The following EDN1 variants were observed in gnomAD, a reference collection of about 807,000 sequenced individuals.
The protein encoded by EDN1 is endothelin 1.
In EDN1, 11 loss-of-function variants were observed where a neutral mutation model predicts 21.7. The observed-to-expected ratio is 0.51, with a 90% CI of 0.32 to 0.84. The LOEUF (loss-of-function observed/expected upper bound fraction) is 0.84, where lower values mean the gene tolerates loss of function less well. Among genes scored for constraint, EDN1 ranks in the 40% least tolerant of loss-of-function variants. The pLI, the probability that EDN1 is intolerant of heterozygous loss-of-function variation, is 0.03. For synonymous variants in EDN1, 85 were observed against 90.6 expected (o/e 0.94, Z 0.35); for missense variants, 244 against 262.3 (o/e 0.93, Z 0.48).
the EDN1 span, among the ~76,000 whole-genome samples, chr6:12,231,247 C>T: frequency 6.6e-6 from 1 of 152,198 alleles, no homozygotes. Flanking sequence ...GGAAGGGCTC[C>T]TGGGAGCCAC....
At chr6:12,274,554 T>C in the EDN1 span, among the ~76,000 whole-genome samples, 1 of 152,270 alleles carries the variant, frequency 6.6e-6, no homozygotes, top group Non-Finnish European at 1.5e-5. Flanking sequence ...GAATAGGGAC[T>C]GTATTGTTTA....
chr6:12,247,881 C>T, the EDN1 span, among the ~76,000 whole-genome samples: 1 of 152,050 alleles, frequency 6.6e-6, no homozygotes, highest in Non-Finnish European at 1.5e-5. Context: ...TAGACTGAGA[C>T]AGATCCCCCT....
At chr6:12,245,699 C>G in the EDN1 span, among the ~76,000 whole-genome samples, 1 of 152,210 alleles carries the variant, frequency 6.6e-6, no homozygotes, top group Non-Finnish European at 1.5e-5. Context: ...AGAACAAATG[C>G]ATTTTTCCTT....
Position 12,290,460 on chromosome 6 carries a change from C to T in EDN1, c.-170C>T. ...CGCCTGCAGACGCTCCGCTCGCTGC[C>T]TTCTCTCCTGGCAGGCGCTGCCTTT... On this transcript the variant is annotated 5_prime_UTR_variant, in exon 1 of 5. Transcript: ENST00000379375. 3.1e-6 allele frequency: 2 copies of T among 643,998 alleles called. No individual in the cohort carries two copies. Among genetic ancestry groups the T allele is most frequent in the Non-Finnish European group, 5.5e-6 (2 of 363,010 alleles). The allele number at this position is 643,998 out of a possible 1,614,324, so 39.9% of individuals were successfully genotyped here. A position where few individuals can be genotyped will look rare whatever the true frequency, so the allele number is the denominator to read the frequency against.
chr6:12,235,712 C>A, the EDN1 span, among the ~76,000 whole-genome samples: 1 of 152,200 alleles, frequency 6.6e-6, no homozygotes. Flanking sequence ...GAACTTTCCG[C>A]AATGTAGAAA....
the EDN1 span, among the ~76,000 whole-genome samples, chr6:12,251,396 C>CA: frequency 4.6e-5 from 7 of 152,206 alleles, no homozygotes; most frequent in Non-Finnish European, 1.0e-4. Flanking sequence ...GATATCTCAT[C>CA]AAACTTGAGG....
At chr6:12,244,407 G>A in the EDN1 span, among the ~76,000 whole-genome samples, 1 of 152,132 alleles carries the variant, frequency 6.6e-6, no homozygotes, top group African/African-American at 2.4e-5. Flanking sequence ...TGAGGCATTG[G>A]GAAGCTGTCT....
At chr6:12,269,426 A>G in the EDN1 span, among the ~76,000 whole-genome samples, 5 of 151,926 alleles carry the variant, frequency 3.3e-5, no homozygotes, top group African/African-American at 1.2e-4. Flanking sequence ...GAAGAGCTTT[A>G]AACTTTTCCT....
At chr6:12,231,400 A>C in the EDN1 span, among the ~76,000 whole-genome samples, 1 of 152,260 alleles carries the variant, frequency 6.6e-6, no homozygotes. Context: ...AAAGCAATGG[A>C]AAAGGAAACT....
At chr6:12,294,550 C>G in intron 4 of EDN1, 146 bp downstream of exon 4, 1 of 899,928 alleles carries the variant, frequency 1.1e-6, no homozygotes, top group South Asian at 1.5e-5. Context: ...TCTATGCATC[C>G]TATAGATTAA....
upstream of EDN1, among the ~76,000 whole-genome samples, chr6:12,289,867 G>A (rs1370040963): frequency 6.6e-6 from 1 of 152,152 alleles, no homozygotes; most frequent in Non-Finnish European, 1.5e-5. Flanking sequence ...CCAGTAGTGG[G>A]GCAGTGACGA....
the EDN1 span, among the ~76,000 whole-genome samples, chr6:12,230,536 G>T: frequency 2.0e-5 from 3 of 152,102 alleles, no homozygotes; most frequent in African/African-American, 7.2e-5. Context: ...GTGCTCAGGG[G>T]CCATTTTGAA....
chr6:12,284,864 A>T, the EDN1 span, among the ~76,000 whole-genome samples: 1 of 152,200 alleles, frequency 6.6e-6, no homozygotes. Context: ...TTAGCATCTC[A>T]TTCAGACACA....
At chr6:12,262,135 T>A in the EDN1 span, among the ~76,000 whole-genome samples, 1 of 152,224 alleles carries the variant, frequency 6.6e-6, no homozygotes, top group Non-Finnish European at 1.5e-5. Context: ...TGAGGTTGAC[T>A]TCATGCACAA....
Position 12,296,161 on chromosome 6 carries a change from C to A in EDN1, c.*94C>A, listed in dbSNP as rs1394759764. 8.0e-6 allele frequency: 9 copies of A among 1,118,120 alleles called. No homozygotes were observed. The highest frequency in any genetic ancestry group is 1.1e-5 in the Non-Finnish European group (8 of 732,184). The allele number at this position is 1,118,120 out of a possible 1,614,324, so 69.3% of individuals were successfully genotyped here. ...ACCCTGGCTGGGATCAGAGCAGGAG[C>A]ATCCTCTGCTGGTTCCTGACTGGCA... On this transcript the variant is annotated 3_prime_UTR_variant, in exon 5 of 5. Coordinates refer to ENST00000379375, the MANE Select transcript of EDN1 (RefSeq NM_001955.5).
the EDN1 span, among the ~76,000 whole-genome samples, chr6:12,258,634 G>T: frequency 6.6e-6 from 1 of 152,094 alleles, no homozygotes; most frequent in Non-Finnish European, 1.5e-5. Context: ...TCCTTTCAAC[G>T]TGTGTGAACC....
the EDN1 span, among the ~76,000 whole-genome samples, chr6:12,260,970 T>C: frequency 6.6e-6 from 1 of 152,214 alleles, no homozygotes; most frequent in African/African-American, 2.4e-5. Flanking sequence ...AAGTTGTCAC[T>C]ATATGACAAA....
Position 12,296,956 on chromosome 6 carries a change from C to T in EDN1, c.*889C>T, listed in dbSNP as rs1762841619. On this transcript the variant is annotated 3_prime_UTR_variant, in exon 5 of 5. Transcript: ENST00000379375. ...CGCTTTAAAGCAGTAAAATTATTTT[C>T]CTTTATATAACCGGCTAATGAAAGA... The T allele has an allele frequency of 6.6e-6, 1 of 152,064 alleles. No homozygotes were observed. Among genetic ancestry groups the T allele is most frequent in the Non-Finnish European group, 1.5e-5 (1 of 68,000 alleles). The allele number at this position is 152,064 out of a possible 1,614,324, so 9.4% of individuals were successfully genotyped here.
the EDN1 span, among the ~76,000 whole-genome samples, chr6:12,262,871 T>TAA: frequency 4.7e-3 from 616 of 132,194 alleles, 1 homozygote; most frequent in African/African-American, 0.012. Context: ...AAACCCTGTT[T>TAA]AAAAAAAAAA....
Sources: allele counts gnomAD v4.1 joint callset (sites outside exome capture counted in the v4.1 genomes callset), GRCh38; gene constraint gnomAD v4.1.1; transcripts MANE v1.5; gene names NCBI Gene and HGNC (gene_info 2026-07-23, HGNC 2026-07-21).